MAPK6: variants seen among roughly 807,000 people sequenced by gnomAD.
MAPK6 encodes ERK-3.
A neutral mutation model predicts 59.3 loss-of-function variants in MAPK6; 19 were observed. The observed-to-expected ratio is 0.32, with a 90% CI of 0.22 to 0.47. The LOEUF is 0.47. MAPK6 is among the 20% of genes least tolerant of loss of function. MAPK6 has a pLI of 1.00. For missense variants in MAPK6, 724 were observed against 847.9 expected (o/e 0.85, Z 1.81); for synonymous variants, 316 against 290.3 (o/e 1.09, Z -0.90).
chr15:51,975,078 G>A (rs1278882670), intron 1 of MAPK6, among the ~76,000 whole-genome samples: 2 of 151,612 alleles, frequency 1.3e-5, no homozygotes, highest in Admixed American at 6.6e-5. Context: ...CTTTATCTTC[G>A]TTCTTTCAGT....
At chr15:52,020,621 TGA>T (rs1432802679) in intron 1 of MAPK6, among the ~76,000 whole-genome samples, 4 of 152,164 alleles carry the variant, frequency 2.6e-5, no homozygotes, top group African/African-American at 9.7e-5. Flanking sequence ...GCTGGAAAAC[TGA>T]GATGGAAAGA....
At chr15:51,982,442 G>A (rs1008346979) in intron 1 of MAPK6, among the ~76,000 whole-genome samples, 3 of 152,200 alleles carry the variant, frequency 2.0e-5, no homozygotes, top group African/African-American at 7.2e-5. Context: ...AAGGCCACAA[G>A]ATGGTGATGG....
In MAPK6 at chr15:51,983,770, G is replaced by A. The variant is rs145411686; in HGVS notation, c.-770+455G>A. ...TGCAGTGAGCCATGATCATGCCACT[G>A]CACTCCAGCCTAGGTGACAGAGCAA... is the stretch of plus-strand genomic sequence containing the variant. On this transcript the variant is annotated intron_variant, in intron 2 of 7. Transcript: ENST00000691380. Among the ~76,000 whole-genome samples, 702 of 152,276 alleles carry A rather than the reference G, an allele frequency of 4.6e-3. 2 individuals are homozygous for A. Among genetic ancestry groups the A allele is most frequent in the African/African-American group, 6.5e-3 (269 of 41,554 alleles).
At chr15:52,053,198 C>G (rs996979319) in intron 3 of MAPK6, among the ~76,000 whole-genome samples, 2 of 151,828 alleles carry the variant, frequency 1.3e-5, no homozygotes, top group African/African-American at 4.8e-5. Flanking sequence ...CTCAGCCTCC[C>G]GAGTAGCTGG....
intron 5 of MAPK6, among the ~76,000 whole-genome samples, chr15:52,062,082 T>C (rs1171604373): frequency 6.6e-6 from 1 of 151,202 alleles, no homozygotes; most frequent in African/African-American, 2.5e-5. Flanking sequence ...TTTTTTTTTT[T>C]TTTGAGATGG....
chr15:52,018,647 A>G (rs1190543935), upstream of MAPK6: 1 of 152,302 alleles, frequency 6.6e-6, no homozygotes, highest in Non-Finnish European at 1.5e-5. Flanking sequence ...TTCCTGCAAC[A>G]AGCCAGGTAC....
intron 3 of MAPK6, among the ~76,000 whole-genome samples, chr15:52,057,763 A>C (rs1335318318): frequency 6.6e-6 from 1 of 152,132 alleles, no homozygotes; most frequent in African/African-American, 2.4e-5. Context: ...GCTGGTCTCG[A>C]ACTCTTGACT....
intron 2 of MAPK6, among the ~76,000 whole-genome samples, chr15:51,990,983 T>A (rs112248184): frequency 6.6e-6 from 1 of 150,990 alleles, no homozygotes; most frequent in African/African-American, 2.4e-5. Context: ...ACAAAATTAG[T>A]CGGGTGTGAG....
upstream of MAPK6, among the ~76,000 whole-genome samples, chr15:52,015,793 C>A (rs1382647304): frequency 6.8e-6 from 1 of 148,046 alleles, no homozygotes; most frequent in Middle Eastern, 3.4e-3. Flanking sequence ...CGTGGTGGCT[C>A]ACACCTGTAA....
upstream of MAPK6, chr15:52,019,055 G>A (rs2030369713): frequency 6.6e-6 from 1 of 152,264 alleles, no homozygotes; most frequent in Non-Finnish European, 1.5e-5. Flanking sequence ...GGAGACGCCG[G>A]ACGAGCCGCG....
chr15:52,029,928 A>G (rs927404345), intron 1 of MAPK6, among the ~76,000 whole-genome samples: 5 of 152,234 alleles, frequency 3.3e-5, no homozygotes, highest in Non-Finnish European at 5.9e-5. Context: ...TGTAAATGAA[A>G]TAATGTAGAT....
At position 52,065,003 on chromosome 15, in the gene MAPK6, C is replaced by T. The variant is rs2141139124; in HGVS notation, c.*3C>T. The stretch of plus-strand genomic sequence containing the variant: ...GCATTCTGAAACATCTGAACTAAAA[C>T]ACTCAGCAGACATTTATCTTTGTAT... On this transcript the variant is annotated 3_prime_UTR_variant, in exon 6 of 6. Transcript: ENST00000261845. 2.5e-6 allele frequency: 4 copies of T among 1,593,594 alleles called. No homozygotes were observed. The South Asian group carries it at 3.4e-5, about 13-fold the overall frequency.
intron 2 of MAPK6, among the ~76,000 whole-genome samples, chr15:51,994,230 G>A (rs1233360800): frequency 6.6e-6 from 1 of 152,096 alleles, no homozygotes; most frequent in East Asian, 1.9e-4. Flanking sequence ...AAAGTGCTGG[G>A]ATTACAGGTG....
intron 1 of MAPK6, among the ~76,000 whole-genome samples, chr15:52,027,179 C>T (rs1219696387): frequency 6.6e-6 from 1 of 151,776 alleles, no homozygotes; most frequent in East Asian, 1.9e-4. Flanking sequence ...TGGTGAAACC[C>T]CATCTCTACT....
intron 2 of MAPK6, among the ~76,000 whole-genome samples, chr15:51,995,956 G>A (rs7176582): frequency 0.018 from 2,694 of 151,070 alleles, 80 homozygotes; most frequent in African/African-American, 0.062. Flanking sequence ...AAAGAAAGAA[G>A]GAAAAAAACA....
At chr15:52,034,290 G>A (rs1450990024) in intron 1 of MAPK6, among the ~76,000 whole-genome samples, 1 of 151,408 alleles carries the variant, frequency 6.6e-6, no homozygotes, top group African/African-American at 2.4e-5. Flanking sequence ...CGGACTCCTG[G>A]TTGCTTTTAA....
At chr15:52,037,540 A>T (rs2031283290) in intron 1 of MAPK6, among the ~76,000 whole-genome samples, 1 of 152,216 alleles carries the variant, frequency 6.6e-6, no homozygotes, top group African/African-American at 2.4e-5. Flanking sequence ...TCAGTGGCAC[A>T]GTCCCTCCCC....
chr15:52,049,886 T>C, intron 2 of MAPK6, 107 bp from the exon 3 acceptor site: 1 of 1,025,128 alleles, frequency 9.8e-7, no homozygotes, highest in Non-Finnish European at 1.5e-6. Context: ...ATGCTGGGAT[T>C]ACAGGCATGA....
chr15:51,976,942 C>CA (rs1307113015), intron 1 of MAPK6, among the ~76,000 whole-genome samples: 2 of 151,220 alleles, frequency 1.3e-5, no homozygotes. Flanking sequence ...GACTCTGTCT[C>CA]AAAAAAATAA....
Sources: allele counts gnomAD v4.1 joint callset (sites outside exome capture counted in the v4.1 genomes callset), GRCh38; gene constraint gnomAD v4.1.1; transcripts MANE v1.5; gene names NCBI Gene and HGNC (gene_info 2026-07-23, HGNC 2026-07-21).